CLIP2: variants seen among roughly 807,000 people sequenced by gnomAD.
CLIP2 encodes CAP-Gly domain containing linker protein 2, also known as CAP-Gly domain-containing linker protein 2.
CLIP2 carries 41 observed loss-of-function variants against 111.7 expected under a neutral mutation model. That is an observed-to-expected ratio of 0.37 (90% CI 0.29 to 0.48). CLIP2 has a LOEUF of 0.48. CLIP2 is among the 20% of genes least tolerant of loss of function. CLIP2 has a pLI of 0.99. For missense variants in CLIP2, 1,160 were observed against 1,422.1 expected, an observed-to-expected ratio of 0.82 and a Z score of 2.96; for synonymous variants, 660 against 644.2, an observed-to-expected ratio of 1.02 and a Z score of -0.37.
At chr7:74,386,172 C>T (rs892264394) in intron 11 of CLIP2, among the ~76,000 whole-genome samples, 19 of 151,890 alleles carry the variant, frequency 1.3e-4, no homozygotes, top group Admixed American at 7.2e-4. Flanking sequence ...CTCAGCCTCC[C>T]GAGTAGCTGG....
intron 3 of CLIP2, among the ~76,000 whole-genome samples, chr7:74,346,293 T>C (rs111874254): frequency 8.0e-4 from 122 of 152,188 alleles, no homozygotes; most frequent in African/African-American, 2.7e-3. Flanking sequence ...GAAGATAAAT[T>C]TTTTTAAAAG....
At chr7:74,294,045 T>C (rs1407243140) in intron 1 of CLIP2, among the ~76,000 whole-genome samples, 2 of 152,014 alleles carry the variant, frequency 1.3e-5, no homozygotes, top group African/African-American at 4.8e-5. Flanking sequence ...GCCTCCTGAG[T>C]AGCTGGGATT....
At chr7:74,340,768 C>T (rs480487) in intron 3 of CLIP2, among the ~76,000 whole-genome samples, 92,782 of 151,874 alleles carry the variant, frequency 0.61, 30,373 homozygotes, top group Middle Eastern at 0.74. Context: ...CAGGGAAGGC[C>T]CTGACATGGA....
chr7:74,390,222 A>AAAGG (rs200271550), intron 13 of CLIP2, among the ~76,000 whole-genome samples: 9 of 56,058 alleles, frequency 1.6e-4, no homozygotes, highest in African/African-American at 2.1e-4. Context: ...AGAAAGAAAG[A>AAAGG]AAGGATTAAT....
chr7:74,358,068 A>T (rs797040609), intron 6 of CLIP2, among the ~76,000 whole-genome samples: 1,122 of 59,122 alleles, frequency 0.019, 9 homozygotes, highest in African/African-American at 0.059. Flanking sequence ...TTTTTTTTTT[A>T]TGAGACAGAG....
At chr7:74,324,164 G>C (rs2116518900) in intron 2 of CLIP2, among the ~76,000 whole-genome samples, 1 of 152,066 alleles carries the variant, frequency 6.6e-6, no homozygotes, top group South Asian at 2.1e-4. Context: ...GGCTAATTTT[G>C]TATTTTTAGT....
chr7:74,372,627 C>A (rs1790661372), intron 8 of CLIP2, among the ~76,000 whole-genome samples: 1 of 152,018 alleles, frequency 6.6e-6, no homozygotes, highest in South Asian at 2.1e-4. Flanking sequence ...CCCATTGCTA[C>A]CCCAAGCAGG....
chr7:74,348,801 AAAAAAAGAATGAGGGTAGCAAGAGAATTC>A, intron 3 of CLIP2, among the ~76,000 whole-genome samples: 1 of 151,344 alleles, frequency 6.6e-6, no homozygotes, highest in East Asian at 2.0e-4. Flanking sequence ...AAAAAAAAAA[AAAAAAAGAATGAGGGTAGCAAGAGAATTC>A]AAAACAGATG....
At chr7:74,349,449 T>G (rs1359852043) in intron 3 of CLIP2, among the ~76,000 whole-genome samples, 5 of 65,150 alleles carry the variant, frequency 7.7e-5, no homozygotes, top group Admixed American at 1.8e-4. Flanking sequence ...AAAAAAAAAG[T>G]ATGTATGTGT....
intron 3 of CLIP2, among the ~76,000 whole-genome samples, chr7:74,348,573 A>G (rs1554306849): frequency 5.3e-5 from 8 of 151,568 alleles, no homozygotes. Flanking sequence ...GTGAATCACA[A>G]GGTCAGGAGA....
At chr7:74,322,251 A>G (rs1788979462) in intron 2 of CLIP2, among the ~76,000 whole-genome samples, 1 of 150,978 alleles carries the variant, frequency 6.6e-6, no homozygotes. Flanking sequence ...TCGACCTGCT[A>G]AAGTGCTGGG....
rs1468908021 is a variant in CLIP2 at position 74,376,996 on chromosome 7, G to A, written c.2421+174G>A. 2.6e-5 allele frequency among the ~76,000 whole-genome samples: 4 copies of A among 152,074 alleles called. No individual in the cohort carries two copies. The highest frequency in any genetic ancestry group is 7.2e-5 in the African/African-American group (3 of 41,424). On this transcript the variant is annotated intron_variant, in intron 10 of 16. Transcript: ENST00000223398. This position sits in a 1 kb window ranked among gnomAD's most constrained non-coding sequence, Gnocchi z 7.1. ...AGGAGGAGGAGCTCCTTGGCCCTCTGTTAGAGGGGCAGTGCGCCCTGGTGA... is the reference window on the plus strand; with the variant it reads ...AGGAGGAGGAGCTCCTTGGCCCTCTATTAGAGGGGCAGTGCGCCCTGGTGA...
chr7:74,292,015 C>G (rs1275853123), intron 1 of CLIP2, among the ~76,000 whole-genome samples: 1 of 151,734 alleles, frequency 6.6e-6, no homozygotes, highest in African/African-American at 2.4e-5. Flanking sequence ...ACCTCTGCCT[C>G]CTGGGTTCAA....
rs1164681569 is a variant in CLIP2, at chr7:74,380,754, T to C, written c.2422-52T>C. On this transcript the variant is annotated intron_variant, in intron 10 of 16. Transcript: ENST00000223398. ...GTGTGCTTGCTGGGCTGGCTGGGGC[T>C]GGGGCCAAGGGGCAGAGGTGAGCAT... 7 of 1,511,186 alleles carry C rather than the reference T, an allele frequency of 4.6e-6. No individual in the cohort carries two copies. The African/African-American group carries it at 6.9e-5, about 15-fold the overall frequency. 93.6% of individuals were successfully genotyped at this position (1,511,186 alleles called of 1,614,324 possible). A position where few individuals can be genotyped will look rare whatever the true frequency, so the allele number is the denominator to read the frequency against.
chr7:74,353,406 A>G (rs1215253153), intron 3 of CLIP2, among the ~76,000 whole-genome samples: 2 of 151,978 alleles, frequency 1.3e-5, no homozygotes, highest in African/African-American at 4.8e-5. Context: ...GCCCACCACC[A>G]GGCCCGGCTA....
At chr7:74,294,507 C>T (rs375390134) in intron 1 of CLIP2, among the ~76,000 whole-genome samples, 1 of 152,182 alleles carries the variant, frequency 6.6e-6, no homozygotes, top group Non-Finnish European at 1.5e-5. Flanking sequence ...GAGCGACACC[C>T]GCTCCCGATT....
In CLIP2 at chr7:74,355,452, A is replaced by C. The variant is rs889397661; in HGVS notation, c.804-958A>C. On this transcript the variant is annotated intron_variant, in intron 4 of 16. Coordinates refer to ENST00000223398, the MANE Select transcript of CLIP2 (RefSeq NM_003388.5). Reference sequence around the variant, plus strand: ...TAGCAAAACCTCATCTCTACAAAAGATACAAAAATTAGCTGGGCGTAGTAG... The same window carrying C: ...TAGCAAAACCTCATCTCTACAAAAGCTACAAAAATTAGCTGGGCGTAGTAG... Among the ~76,000 whole-genome samples the C allele has an allele frequency of 3.9e-5, 6 of 152,228 alleles. 1 individual carries two copies. The highest frequency in any genetic ancestry group is 1.4e-4 in the African/African-American group (6 of 41,546).
chr7:74,369,437 G>C (rs986392345), intron 8 of CLIP2, among the ~76,000 whole-genome samples: 2 of 152,136 alleles, frequency 1.3e-5, no homozygotes, highest in Non-Finnish European at 1.5e-5. Context: ...CAGCTACTTG[G>C]GGGGCTGAGG....
At chr7:74,298,970 C>T (rs891842241) in intron 1 of CLIP2, among the ~76,000 whole-genome samples, 1 of 152,116 alleles carries the variant, frequency 6.6e-6, no homozygotes, top group Non-Finnish European at 1.5e-5. Flanking sequence ...GGGTGGGTGT[C>T]TGTGGCTTTC....
Sources: allele counts gnomAD v4.1 joint callset (sites outside exome capture counted in the v4.1 genomes callset), GRCh38; gene constraint gnomAD v4.1.1; non-coding constraint Gnocchi (gnomAD v3.1); transcripts MANE v1.5; gene names NCBI Gene and HGNC (gene_info 2026-07-23, HGNC 2026-07-21).